Variants in HIVEP2 observed in about 807,000 individuals in gnomAD.
HIVEP2 encodes the protein transcription factor HIVEP2.
HIVEP2 carries 14 observed loss-of-function variants against 180.7 expected under a neutral mutation model. That is an observed-to-expected ratio of 0.08 (90% CI 0.05 to 0.12). HIVEP2 has a LOEUF of 0.12. Ranked by LOEUF, HIVEP2 falls within the 10% of genes least tolerant of loss-of-function variation. The pLI is 1.00. For synonymous variants in HIVEP2, 1,184 were observed against 1,136.4 expected (o/e 1.04, Z -0.84); for missense variants, 2,579 against 3,008.5 (o/e 0.86, Z 3.34).
At chr6:142,848,142 T>A (rs1317130386) in intron 1 of HIVEP2, among the ~76,000 whole-genome samples, 1 of 152,224 alleles carries the variant, frequency 6.6e-6, no homozygotes, top group Non-Finnish European at 1.5e-5. Context: ...CAAACTTTTT[T>A]CTAATGTTAC....
chr6:142,837,246 T>C (rs1775248490), intron 1 of HIVEP2, among the ~76,000 whole-genome samples, 199 bp from the exon 2 acceptor site: 1 of 152,116 alleles, frequency 6.6e-6, no homozygotes, highest in Non-Finnish European at 1.5e-5. Context: ...AAAATGAATG[T>C]TCAAGCATAG....
At chr6:142,833,823 G>A (rs1460192558) in intron 2 of HIVEP2, among the ~76,000 whole-genome samples, 1 of 152,156 alleles carries the variant, frequency 6.6e-6, no homozygotes, top group Non-Finnish European at 1.5e-5. Context: ...GAAATGTAGA[G>A]CATACATAAG....
At chr6:142,875,104 G>C (rs1776398099) in intron 1 of HIVEP2, among the ~76,000 whole-genome samples, 1 of 152,122 alleles carries the variant, frequency 6.6e-6, no homozygotes, top group Non-Finnish European at 1.5e-5. Context: ...AATAAAAACT[G>C]AACTAGGGAT....
intron 3 of HIVEP2, among the ~76,000 whole-genome samples, chr6:142,778,154 G>C (rs926358007): frequency 1.3e-5 from 2 of 152,168 alleles, no homozygotes; most frequent in African/African-American, 4.8e-5. Flanking sequence ...TTGCTAAAAA[G>C]TTTTGCTATT....
intron 4 of HIVEP2, among the ~76,000 whole-genome samples, chr6:142,775,506 C>T (rs575546808): frequency 1.2e-4 from 18 of 152,096 alleles, no homozygotes; most frequent in Non-Finnish European, 2.1e-4. Flanking sequence ...AAGTGTATTA[C>T]ATATCTCTAT....
intron 1 of HIVEP2, among the ~76,000 whole-genome samples, chr6:142,913,389 T>C (rs1014570345): frequency 6.6e-6 from 1 of 152,200 alleles, no homozygotes; most frequent in Admixed American, 6.5e-5. Context: ...GGAAAACCCA[T>C]GGATCAGGGC....
intron 2 of HIVEP2, among the ~76,000 whole-genome samples, chr6:142,835,626 A>T (rs756709807): frequency 6.6e-6 from 1 of 152,108 alleles, no homozygotes; most frequent in Non-Finnish European, 1.5e-5. Flanking sequence ...CCCTTTAATT[A>T]TCCAAAACTT....
chr6:142,945,395 G>A (rs796650490), upstream of HIVEP2, among the ~76,000 whole-genome samples: 96 of 152,278 alleles, frequency 6.3e-4, no homozygotes, highest in African/African-American at 2.2e-3. The surrounding 1 kb of genome is among the most constrained non-coding windows in gnomAD (Gnocchi z 5.5). Flanking sequence ...GCCGGGGAGC[G>A]GGGGACGGAG....
intron 1 of HIVEP2, among the ~76,000 whole-genome samples, chr6:142,902,038 T>C (rs1246621957): frequency 6.6e-6 from 1 of 152,092 alleles, no homozygotes; most frequent in Non-Finnish European, 1.5e-5. Context: ...ATAAAATAAA[T>C]ATCCATGAGT....
intron 1 of HIVEP2, among the ~76,000 whole-genome samples, chr6:142,915,041 T>C (rs1367039318): frequency 2.6e-5 from 4 of 152,154 alleles, no homozygotes; most frequent in East Asian, 3.8e-4. Context: ...TCAGCTACCA[T>C]TAAACACTTA....
intron 1 of HIVEP2, among the ~76,000 whole-genome samples, chr6:142,915,502 C>A (rs1441582776): frequency 6.6e-6 from 1 of 152,196 alleles, no homozygotes; most frequent in Non-Finnish European, 1.5e-5. Context: ...CACTTGCAGC[C>A]TCCAGAACTG....
chr6:142,830,696 A>G (rs987737900), intron 2 of HIVEP2, among the ~76,000 whole-genome samples: 2 of 152,188 alleles, frequency 1.3e-5, no homozygotes, highest in African/African-American at 4.8e-5. Context: ...TATTTATATC[A>G]GACTCAACTG....
At chr6:142,859,263 T>A (rs1775906467) in intron 1 of HIVEP2, among the ~76,000 whole-genome samples, 1 of 150,418 alleles carries the variant, frequency 6.6e-6, no homozygotes, top group Non-Finnish European at 1.5e-5. Context: ...AGCCCAGGAG[T>A]TCGAGACCAG....
chr6:142,841,157 A>C (rs1006925358), intron 1 of HIVEP2, among the ~76,000 whole-genome samples: 2 of 152,078 alleles, frequency 1.3e-5, no homozygotes, highest in African/African-American at 4.8e-5. Context: ...ATTTGTTTTA[A>C]CCATTTAATA....
chr6:142,882,983 TC>T (rs1462575753), intron 1 of HIVEP2, among the ~76,000 whole-genome samples: 7 of 152,110 alleles, frequency 4.6e-5, no homozygotes, highest in Non-Finnish European at 7.4e-5. Flanking sequence ...AATAGTCTGA[TC>T]ATCTATAAGT....
At chr6:142,801,446 G>T (rs1024648766) in intron 2 of HIVEP2, among the ~76,000 whole-genome samples, 2 of 148,756 alleles carry the variant, frequency 1.3e-5, no homozygotes, top group Non-Finnish European at 1.5e-5. Flanking sequence ...TCTCACTTGA[G>T]AAAGTTAGAT....
intron 3 of HIVEP2, among the ~76,000 whole-genome samples, chr6:142,778,912 A>C (rs1435560143): frequency 1.3e-5 from 2 of 152,226 alleles, no homozygotes; most frequent in African/African-American, 4.8e-5. Context: ...TTCTGAGAGA[A>C]TATAAATGAG....
Position 142,773,004 on chromosome 6 carries a change from G to C in HIVEP2, c.1735C>G (p.Pro579Ala). ...RMTGSDDVFY[P>A]GTVGIPPQRM... ...TGAGGGGGTATGCCCACGGTCCCTGGATAGAATACATCGTCGGAACCAGTC... is the reference window on the plus strand; with the variant it reads ...TGAGGGGGTATGCCCACGGTCCCTGCATAGAATACATCGTCGGAACCAGTC... Residue 579 changes from proline (P) to alanine (A), a missense_variant, in exon 5 of 10, where the codon CCA (proline) becomes GCA (alanine). By Grantham distance (27) the Pro-to-Ala change is conservative. Coordinates refer to ENST00000367603, the MANE Select transcript of HIVEP2 (RefSeq NM_006734.4). 6.2e-7 allele frequency: 1 copy of C among 1,614,160 alleles called. No homozygotes were observed. The highest frequency in any genetic ancestry group is 8.5e-7 in the Non-Finnish European group (1 of 1,180,022).
intron 1 of HIVEP2, among the ~76,000 whole-genome samples, chr6:142,862,311 A>G (rs765051023): frequency 2.6e-5 from 4 of 151,588 alleles, no homozygotes; most frequent in Non-Finnish European, 2.9e-5. Context: ...TGCATTTGCT[A>G]CATTAGCAAA....
Sources: allele counts gnomAD v4.1 joint callset (sites outside exome capture counted in the v4.1 genomes callset), GRCh38; gene constraint gnomAD v4.1.1; non-coding constraint Gnocchi (gnomAD v3.1); transcripts MANE v1.5; gene names NCBI Gene and HGNC (gene_info 2026-07-23, HGNC 2026-07-21).